The following CCDC7 variants were observed in gnomAD, a reference collection of about 807,000 sequenced individuals.
CCDC7 encodes coiled-coil domain containing 7.
Under a neutral mutation model 196.9 loss-of-function variants are expected in CCDC7, and 183 were observed. The ratio of observed to expected loss-of-function variants is 0.93; its 90% CI spans 0.82 to 1.05. The LOEUF (loss-of-function observed/expected upper bound fraction) is 1.05. Ranked by LOEUF, CCDC7 falls within the 50% of genes least tolerant of loss-of-function variation. The pLI is 0.00. For missense variants in CCDC7, 1,540 were observed against 1,482.2 expected, an observed-to-expected ratio of 1.04 and a Z score of -0.64; for synonymous variants, 525 against 484.6, an observed-to-expected ratio of 1.08 and a Z score of -1.10.
chr10:32,766,470 A>G (rs1417622216), intron 28 of CCDC7, among the ~76,000 whole-genome samples: 1 of 152,088 alleles, frequency 6.6e-6, no homozygotes, highest in South Asian at 2.1e-4. Context: ...TGGAAGTGAC[A>G]GTAGCAGATA....
chr10:32,677,367 ATAAT>A (rs2075176813), intron 21 of CCDC7, among the ~76,000 whole-genome samples: 1 of 143,450 alleles, frequency 7.0e-6, no homozygotes, highest in East Asian at 2.2e-4. Flanking sequence ...AAGTATAATA[ATAAT>A]AAAAAAAAAG....
intron 21 of CCDC7, chr10:32,675,528 A>G (rs1319819954): frequency 6.6e-6 from 1 of 152,232 alleles, no homozygotes; most frequent in African/African-American, 2.4e-5. Flanking sequence ...CTTTTATACT[A>G]GAGTTAAAAT....
chr10:32,734,766 A>G (rs990925856), intron 28 of CCDC7, among the ~76,000 whole-genome samples: 2 of 151,904 alleles, frequency 1.3e-5, no homozygotes, highest in African/African-American at 4.8e-5. Context: ...GTGTGGTGGC[A>G]TGCACCTGTA....
chr10:32,528,898 A>T (rs2049181627), intron 11 of CCDC7, among the ~76,000 whole-genome samples: 1 of 151,768 alleles, frequency 6.6e-6, no homozygotes, highest in South Asian at 2.1e-4. Context: ...ATAAACATGC[A>T]TTTGGAAATA....
chr10:32,680,702 T>C (rs905434697), intron 21 of CCDC7, among the ~76,000 whole-genome samples: 1 of 152,192 alleles, frequency 6.6e-6, no homozygotes, highest in Admixed American at 6.5e-5. Flanking sequence ...TTGCCTGTCA[T>C]CTTGGCGTCA....
intron 21 of CCDC7, among the ~76,000 whole-genome samples, chr10:32,667,812 A>G (rs1400980049): frequency 6.6e-6 from 1 of 152,134 alleles, no homozygotes; most frequent in East Asian, 1.9e-4. Context: ...TGATGCCTCC[A>G]GCTTTGTTCT....
chr10:32,600,440 A>C (rs1353683501), intron 18 of CCDC7, among the ~76,000 whole-genome samples: 1 of 152,124 alleles, frequency 6.6e-6, no homozygotes. Context: ...TTCATTTATC[A>C]AATATAGGAG....
chr10:32,655,132 G>T (rs1465038476), intron 20 of CCDC7, among the ~76,000 whole-genome samples: 5 of 152,266 alleles, frequency 3.3e-5, no homozygotes, highest in African/African-American at 7.2e-5. Context: ...TGCTTTTGGG[G>T]ATCCTCAAAC....
upstream of CCDC7, among the ~76,000 whole-genome samples, chr10:32,450,391 A>C (rs2032720226): frequency 6.6e-6 from 1 of 152,210 alleles, no homozygotes; most frequent in Admixed American, 6.5e-5. Flanking sequence ...ATTTTCAAGT[A>C]AGGTCACATT....
intron 23 of CCDC7, among the ~76,000 whole-genome samples, chr10:32,693,321 G>C (rs930240886): frequency 6.6e-6 from 1 of 152,042 alleles, no homozygotes. Flanking sequence ...CATTTTGTAG[G>C]TAACCAATAA....
At chr10:32,470,887 A>G (rs1588903549) in intron 5 of CCDC7, among the ~76,000 whole-genome samples, 177 bp from the exon 7 acceptor site, 1 of 152,184 alleles carries the variant, frequency 6.6e-6, no homozygotes, top group East Asian at 1.9e-4. Context: ...AGTTCTATTC[A>G]TAGATAATTG....
chr10:32,854,214 C>A (rs1463095940), intron 40 of CCDC7, among the ~76,000 whole-genome samples, 186 bp from the exon 42 acceptor site: 1 of 151,946 alleles, frequency 6.6e-6, no homozygotes, highest in African/African-American at 2.4e-5. Flanking sequence ...TTATAAATAT[C>A]AAATACCAGG....
Position 32,681,738 on chromosome 10 carries a change from TACACACACACACACACAC to T in CCDC7, c.2123-4202_2123-4185del, listed in dbSNP as rs57829018. 2.3e-3 allele frequency among the ~76,000 whole-genome samples: 311 copies of T among 137,630 alleles called. 1 individual carries two copies. The highest frequency in any genetic ancestry group is 7.8e-3 in the African/African-American group (273 of 35,128). The allele number at this position is 137,630 out of a possible 152,430, so 90.3% of individuals were successfully genotyped here. A position where few individuals can be genotyped will look rare whatever the true frequency, so the allele number is the denominator to read the frequency against. On this transcript the variant is annotated intron_variant, in intron 21 of 41. Coordinates refer to ENST00000639629, the Ensembl canonical transcript of CCDC7. ...GGATTCTTCAGTGTATTTATATGTA[TACACACACACACACACAC>T]ACACACACACACACACACACACACA... is the stretch of plus-strand genomic sequence containing the variant.
At chr10:32,493,611 C>T (rs2042469588) in intron 9 of CCDC7, among the ~76,000 whole-genome samples, 1 of 151,804 alleles carries the variant, frequency 6.6e-6, no homozygotes. Flanking sequence ...TGAAGAATCT[C>T]CATACTGTTT....
rs921749102 is a variant in CCDC7, at chr10:32,541,505, G to A, written c.994-1795G>A. On this transcript the variant is annotated intron_variant, in intron 11 of 41. Transcript: ENST00000639629. ...CTGGAAGCTCTAGCAAGCCTTACCC[G>A]CCTGGCTACCAGTGGTGAGGGTGGG... Among the ~76,000 whole-genome samples the A allele has an allele frequency of 5.3e-5, 8 of 152,162 alleles. No homozygotes were observed. The East Asian group carries it at 5.8e-4, about 11-fold the overall frequency.
intron 29 of CCDC7, among the ~76,000 whole-genome samples, chr10:32,781,564 C>T (rs1288381287): frequency 6.6e-6 from 1 of 152,128 alleles, no homozygotes; most frequent in East Asian, 1.9e-4. Context: ...CCCACTGGAT[C>T]CTCTCAGTTG....
At chr10:32,531,724 T>C (rs2049693512) in intron 11 of CCDC7, among the ~76,000 whole-genome samples, 1 of 152,154 alleles carries the variant, frequency 6.6e-6, no homozygotes, top group African/African-American at 2.4e-5. Flanking sequence ...ACCTTGATCT[T>C]GTTACTTATT....
At chr10:32,511,406 C>T (rs558277988) in intron 9 of CCDC7, 54 of 1,610,310 alleles carry the variant, frequency 3.4e-5, no homozygotes, top group Non-Finnish European at 4.6e-5. Context: ...TGAAGCTGCA[C>T]CTCTGTCCAG....
chr10:32,651,362 A>C (rs1441103408), intron 20 of CCDC7, among the ~76,000 whole-genome samples: 1 of 151,672 alleles, frequency 6.6e-6, no homozygotes, highest in Non-Finnish European at 1.5e-5. Context: ...TTCCATCCAC[A>C]TTTGGTGTTT....
Sources: gnomAD v4.1 joint callset for allele counts (sites outside exome capture counted in the v4.1 genomes callset) on GRCh38, gnomAD v4.1.1 for gene constraint, MANE v1.5 for transcripts, NCBI Gene and HGNC (gene_info 2026-07-23, HGNC 2026-07-21) for gene names.